Variants in LEPR observed in about 807,000 individuals in gnomAD.
LEPR encodes the protein leptin receptor, also known as OB receptor.
In LEPR, 56 loss-of-function variants were observed where a neutral mutation model predicts 114.7. The ratio of observed to expected loss-of-function variants is 0.49; its 90% confidence interval spans 0.39 to 0.61. LEPR has a LOEUF of 0.61. LEPR is among the 20% of genes least tolerant of loss of function. The probability of loss-of-function intolerance (pLI) is 0.00; values close to 1 mark genes in which losing one functional copy is unlikely to be tolerated. For synonymous variants in LEPR, 443 were observed against 461.4 expected (o/e 0.96, Z 0.51); for missense variants, 1,202 against 1,352.9 (o/e 0.89, Z 1.75).
Position 65,457,774 on chromosome 1 carries a change from C to G in LEPR, c.-21+32396C>G, listed in dbSNP as rs372476026. ...CAGTGTTTACAGTGTTCTCATGTTT[C>G]TTTGTTTCTTTTCTTTTTAAATTTC... On this transcript the variant is annotated intron_variant, in intron 2 of 19. Transcript: ENST00000349533. Among the ~76,000 whole-genome samples the G allele has an allele frequency of 1.9e-4, 29 of 150,686 alleles. No homozygotes were observed. The East Asian group carries it at 3.9e-3, about 20-fold the overall frequency.
intron 16 of LEPR, 91 bp downstream of exon 16, chr1:65,618,237 C>A: frequency 8.2e-7 from 1 of 1,217,886 alleles, no homozygotes; most frequent in Non-Finnish European, 1.2e-6. Context: ...TTAATGAAAA[C>A]TTCAAAAATA....
intron 19 of LEPR, chr1:65,634,942 G>C: frequency 1.2e-6 from 1 of 813,588 alleles, no homozygotes. Context: ...TAATAGGAAA[G>C]TTGTATTAAT....
intron 2 of LEPR, among the ~76,000 whole-genome samples, chr1:65,461,996 A>T (rs762554842): frequency 6.6e-6 from 1 of 152,176 alleles, no homozygotes; most frequent in South Asian, 2.1e-4. Context: ...ACTGTTTTTT[A>T]AAATTATTAT....
intron 3 of LEPR, among the ~76,000 whole-genome samples, chr1:65,569,512 G>C (rs1654003739): frequency 6.6e-6 from 1 of 152,016 alleles, no homozygotes; most frequent in Non-Finnish European, 1.5e-5. Context: ...TTCGAGACCA[G>C]CCTGGCCAAC....
At chr1:65,567,276 A>T (rs1252610144) in intron 3 of LEPR, among the ~76,000 whole-genome samples, 2 of 152,154 alleles carry the variant, frequency 1.3e-5, no homozygotes, top group African/African-American at 4.8e-5. Flanking sequence ...TTTACATTTA[A>T]ATACTTCTGT....
intron 2 of LEPR, among the ~76,000 whole-genome samples, chr1:65,438,113 CTTTTTTTTTTT>C (rs36053447): frequency 4.6e-5 from 4 of 87,776 alleles, no homozygotes; most frequent in Non-Finnish European, 8.3e-5. Flanking sequence ...TCCTAGCCGC[CTTTTTTTTTTT>C]TTTTTTTTTT....
intron 5 of LEPR, among the ~76,000 whole-genome samples, chr1:65,582,674 G>A (rs1019376870): frequency 6.6e-6 from 1 of 152,050 alleles, no homozygotes; most frequent in Non-Finnish European, 1.5e-5. Context: ...TTCTTTTATT[G>A]TGAATAAATT....
chr1:65,499,975 G>A (rs934919164), intron 2 of LEPR, among the ~76,000 whole-genome samples: 7 of 152,078 alleles, frequency 4.6e-5, no homozygotes, highest in African/African-American at 1.7e-4. Context: ...CACATGTCAG[G>A]GGAGGGAGCT....
chr1:65,518,892 TC>T (rs1281285195), intron 2 of LEPR, among the ~76,000 whole-genome samples: 2 of 84,204 alleles, frequency 2.4e-5, no homozygotes, highest in Non-Finnish European at 5.7e-5. Context: ...TTTCTTTCTT[TC>T]TTTCTTTCTT....
chr1:65,504,312 T>C (rs571678732), intron 2 of LEPR, among the ~76,000 whole-genome samples: 6 of 152,288 alleles, frequency 3.9e-5, no homozygotes, highest in Admixed American at 2.0e-4. Flanking sequence ...GGATCGTGCA[T>C]AGTGATTTCC....
At chr1:65,511,127 A>G (rs1244764880) in intron 2 of LEPR, among the ~76,000 whole-genome samples, 1 of 152,198 alleles carries the variant, frequency 6.6e-6, no homozygotes, top group Non-Finnish European at 1.5e-5. Context: ...CCTATTATTA[A>G]CAATCTTACA....
intron 2 of LEPR, among the ~76,000 whole-genome samples, chr1:65,532,352 G>A (rs1299223985): frequency 2.0e-5 from 3 of 152,160 alleles, no homozygotes; most frequent in Non-Finnish European, 2.9e-5. Flanking sequence ...GGAAAAGACA[G>A]CAGGGATGGA....
At chr1:65,500,988 G>A (rs563643130) in intron 2 of LEPR, among the ~76,000 whole-genome samples, 3 of 152,152 alleles carry the variant, frequency 2.0e-5, no homozygotes, top group East Asian at 1.9e-4. Flanking sequence ...CTATACATTC[G>A]TATAATGCTC....
intron 2 of LEPR, among the ~76,000 whole-genome samples, chr1:65,452,957 T>G (rs1646808421): frequency 2.0e-5 from 3 of 152,210 alleles, no homozygotes; most frequent in South Asian, 4.1e-4. Context: ...CAATTTCAGA[T>G]CCTGTTATTG....
chr1:65,516,308 G>C (rs1455637981), intron 2 of LEPR, among the ~76,000 whole-genome samples: 1 of 152,122 alleles, frequency 6.6e-6, no homozygotes, highest in Non-Finnish European at 1.5e-5. Context: ...GCCCGGCGTG[G>C]TGGCACACAC....
Position 65,425,180 on chromosome 1 carries a change from A to G in LEPR, c.-96-123A>G, listed in dbSNP as rs545140610. The G allele has an allele frequency of 1.6e-5, 12 of 745,974 alleles. No individual in the cohort carries two copies. The East Asian group carries it at 3.2e-4, about 20-fold the overall frequency. 46.2% of individuals were successfully genotyped at this position (745,974 alleles called of 1,614,324 possible). A position where few individuals can be genotyped will look rare whatever the true frequency, so the allele number is the denominator to read the frequency against. On this transcript the variant is annotated intron_variant, in intron 1 of 19. Coordinates refer to ENST00000349533, the MANE Select transcript of LEPR (RefSeq NM_002303.6). ...GCCATCACTACTATCTAATTCCAGA[A>G]AATTTACTCATCCGCCAAAGAAACT...
At chr1:65,557,616 CACT>C (rs1652914590) in intron 2 of LEPR, among the ~76,000 whole-genome samples, 1 of 152,162 alleles carries the variant, frequency 6.6e-6, no homozygotes, top group Non-Finnish European at 1.5e-5. Flanking sequence ...GACAGTGTTT[CACT>C]ATGTTGGCCA....
intron 2 of LEPR, among the ~76,000 whole-genome samples, chr1:65,488,138 C>T (rs1367988300): frequency 8.9e-6 from 1 of 111,770 alleles, no homozygotes; most frequent in Non-Finnish European, 1.7e-5. Context: ...TCCCTCCCTC[C>T]CTCTCCTTCC....
rs762261309 is a variant in LEPR, at chr1:65,636,746, A to G, written c.3229A>G (p.Ile1077Val). 7 of 1,612,956 alleles carry G rather than the reference A, an allele frequency of 4.3e-6. No homozygotes were observed. The highest frequency in any genetic ancestry group is 5.1e-6 in the Non-Finnish European group (6 of 1,179,654). Residue 1077 changes from isoleucine (I) to valine (V), a missense_variant, in exon 20 of 20, where the codon ATC becomes GTC. By Grantham distance (29) the Ile-to-Val change is conservative. Coordinates refer to ENST00000349533, the MANE Select transcript of LEPR (RefSeq NM_002303.6). ...FPEENNDKKS[I>V]YYLGVTSIKK... The stretch of plus-strand genomic sequence containing the variant: ...TGAAGAAAATAATGATAAAAAGTCT[A>G]TCTATTATTTAGGGGTCACCTCAAT...
Sources: allele counts gnomAD v4.1 joint callset (sites outside exome capture counted in the v4.1 genomes callset), GRCh38; gene constraint gnomAD v4.1.1; transcripts MANE v1.5; gene names NCBI Gene and HGNC (gene_info 2026-07-23, HGNC 2026-07-21).